The following PRDM16 variants were observed in gnomAD, a reference collection of about 807,000 sequenced individuals.
PRDM16 encodes the protein histone-lysine N-methyltransferase PRDM16.
A neutral mutation model predicts 110.6 loss-of-function variants in PRDM16; 23 were observed. The ratio of observed to expected loss-of-function variants is 0.21; its 90% CI spans 0.15 to 0.29. The LOEUF is 0.29. Ranked by LOEUF, PRDM16 falls within the 10% of genes least tolerant of loss-of-function variation. The pLI is 1.00. For synonymous variants in PRDM16, 799 were observed against 781.8 expected (o/e 1.02, Z -0.37); for missense variants, 1,615 against 1,794.3 (o/e 0.90, Z 1.81).
chr1:3,109,768 A>C (rs1642742649), intron 1 of PRDM16, among the ~76,000 whole-genome samples: 1 of 152,238 alleles, frequency 6.6e-6, no homozygotes, highest in South Asian at 2.1e-4. Flanking sequence ...CTCAAAGCCA[A>C]ATTTCCCCCC....
chr1:3,353,628 C>G lies in PRDM16; in HGVS notation c.439-31524C>G, dbSNP rs1472184366. ...GCCCCGCAGTGTGACCGGCAGTTGG[C>G]AAACCATTGACTCAGGCCACCTCAC... On this transcript the variant is annotated intron_variant, in intron 3 of 16. Transcript: ENST00000270722. This position sits in a 1 kb window ranked among gnomAD's most constrained non-coding sequence, Gnocchi z 5.4. 2.6e-5 allele frequency among the ~76,000 whole-genome samples: 4 copies of G among 152,198 alleles called. No individual in the cohort carries two copies. The East Asian group carries it at 5.8e-4, about 22-fold the overall frequency.
intron 1 of PRDM16, among the ~76,000 whole-genome samples, chr1:3,072,648 C>T (rs1047752832): frequency 3.9e-5 from 6 of 152,226 alleles, no homozygotes; most frequent in Non-Finnish European, 7.3e-5. Context: ...GCCCTCCCTT[C>T]TCCCACCCTC....
intron 3 of PRDM16, among the ~76,000 whole-genome samples, chr1:3,256,364 A>G (rs1447782046): frequency 6.6e-6 from 1 of 152,174 alleles, no homozygotes; most frequent in Non-Finnish European, 1.5e-5. Flanking sequence ...TTCTACATTC[A>G]TGCGTAACCA....
At chr1:3,271,169 G>A (rs918429716) in intron 3 of PRDM16, among the ~76,000 whole-genome samples, 3 of 152,182 alleles carry the variant, frequency 2.0e-5, no homozygotes, top group Non-Finnish European at 2.9e-5. Flanking sequence ...GTGGGGCCCC[G>A]GACGCCTCCA....
intron 2 of PRDM16, among the ~76,000 whole-genome samples, chr1:3,229,711 G>A (rs775418851): frequency 5.3e-5 from 8 of 152,254 alleles, no homozygotes; most frequent in Non-Finnish European, 7.4e-5. Context: ...AACCTTAAGG[G>A]TCTCTTTCTT....
chr1:3,134,094 G>A (rs1057455238), intron 1 of PRDM16, among the ~76,000 whole-genome samples: 2 of 152,158 alleles, frequency 1.3e-5, no homozygotes, highest in Admixed American at 6.5e-5. Flanking sequence ...GTTCAGAACC[G>A]TCCAGCTGTG....
At chr1:3,403,105 C>G (rs2100643076) in intron 6 of PRDM16, 107 bp downstream of exon 6, 1 of 995,460 alleles carries the variant, frequency 1.0e-6, no homozygotes, top group South Asian at 1.5e-5. Context: ...CTTCCCCCGC[C>G]TCGCCCCCCA....
intron 3 of PRDM16, among the ~76,000 whole-genome samples, chr1:3,279,014 C>G (rs906797646): frequency 7.9e-5 from 12 of 152,242 alleles, no homozygotes; most frequent in Non-Finnish European, 1.3e-4. Flanking sequence ...ATCGTCAGCC[C>G]TGTCCACCTT....
chr1:3,325,107 T>C (rs1641858246), intron 3 of PRDM16, among the ~76,000 whole-genome samples: 1 of 152,172 alleles, frequency 6.6e-6, no homozygotes, highest in African/African-American at 2.4e-5. Flanking sequence ...GCCTCTTTAA[T>C]TACTGAAAAT....
chr1:3,408,721 TGA>T (rs1219668596), intron 8 of PRDM16, among the ~76,000 whole-genome samples: 2 of 144,662 alleles, frequency 1.4e-5, no homozygotes, highest in Non-Finnish European at 3.1e-5. Flanking sequence ...TGAGAGTGTG[TGA>T]GTGTGGGCGC....
intron 3 of PRDM16, among the ~76,000 whole-genome samples, chr1:3,297,751 G>A (rs529892267): frequency 6.6e-6 from 1 of 152,236 alleles, no homozygotes; most frequent in Admixed American, 6.5e-5. Flanking sequence ...CAGGAAACAG[G>A]GGACAGGGAG....
intron 3 of PRDM16, among the ~76,000 whole-genome samples, chr1:3,315,523 C>A (rs1277942233): frequency 6.6e-6 from 1 of 152,146 alleles, no homozygotes; most frequent in Admixed American, 6.5e-5. Context: ...TTAAGACCTG[C>A]GGCTTTCTCT....
intron 16 of PRDM16, among the ~76,000 whole-genome samples, chr1:3,432,515 G>A (rs1266896473): frequency 6.6e-6 from 1 of 152,212 alleles, no homozygotes; most frequent in African/African-American, 2.4e-5. Context: ...GCTTTTCCCG[G>A]GGGAAGAGCT....
chr1:3,091,272 A>G (rs369625890), intron 1 of PRDM16, among the ~76,000 whole-genome samples: 4 of 152,286 alleles, frequency 2.6e-5, no homozygotes, highest in East Asian at 3.9e-4. Flanking sequence ...CGGATGGGGA[A>G]ACTGAGGCCT....
chr1:3,419,811 G>C lies in PRDM16; in HGVS notation c.2939+1067G>C, dbSNP rs566937509. On this transcript the variant is annotated intron_variant, in intron 12 of 16. Coordinates refer to ENST00000270722, the MANE Select transcript of PRDM16 (RefSeq NM_022114.4). ...TCACTGACCCCCACTCTGAGACAGA[G>C]CAAGCATCCCCGGCTGCCCCAGGGC... Among the ~76,000 whole-genome samples the C allele has an allele frequency of 7.2e-5, 11 of 152,166 alleles. No individual in the cohort carries two copies. In the South Asian group the frequency reaches 2.1e-3, roughly 29 times the overall value.
At chr1:3,305,036 C>T (rs1471687114) in intron 3 of PRDM16, among the ~76,000 whole-genome samples, 10 of 152,140 alleles carry the variant, frequency 6.6e-5, no homozygotes, top group Admixed American at 5.9e-4. Flanking sequence ...TGTTGAGAAA[C>T]GGATGATGGG....
chr1:3,331,301 C>T (rs2483273), intron 3 of PRDM16, among the ~76,000 whole-genome samples: 53,515 of 152,028 alleles, frequency 0.35, 10,124 homozygotes, highest in Middle Eastern at 0.5. Flanking sequence ...GCAGCCCCCC[C>T]CCGGCACACT....
chr1:3,352,377 C>A (rs978895533), intron 3 of PRDM16, among the ~76,000 whole-genome samples: 1 of 152,198 alleles, frequency 6.6e-6, no homozygotes, highest in African/African-American at 2.4e-5. Context: ...TTTCTCCCCC[C>A]AGATGCTCTC....
At chr1:3,397,372 A>G (rs1343003951) in intron 5 of PRDM16, among the ~76,000 whole-genome samples, 1 of 152,222 alleles carries the variant, frequency 6.6e-6, no homozygotes, top group African/African-American at 2.4e-5. Context: ...ACACCCAAGT[A>G]CAGCTGAGAG....
Sources: gnomAD v4.1 joint callset for allele counts (sites outside exome capture counted in the v4.1 genomes callset) on GRCh38, gnomAD v4.1.1 for gene constraint, Gnocchi (gnomAD v3.1) non-coding constraint, MANE v1.5 for transcripts, NCBI Gene and HGNC (gene_info 2026-07-23, HGNC 2026-07-21) for gene names.